ELAVL2: variants seen among roughly 807,000 people sequenced by gnomAD.
ELAVL2 encodes ELAV-like protein 2.
ELAVL2 carries 4 observed loss-of-function variants against 34.6 expected under a neutral mutation model. The ratio of observed to expected loss-of-function variants is 0.12; its 90% confidence interval spans 0.06 to 0.26. The LOEUF (loss-of-function observed/expected upper bound fraction) is 0.26, where lower values mean the gene tolerates loss of function less well. Among genes scored for constraint, ELAVL2 ranks in the 10% least tolerant of loss-of-function variants. ELAVL2 has a pLI of 1.00. For missense variants in ELAVL2, 432 were observed against 442.8 expected (o/e 0.98, Z 0.22); for synonymous variants, 193 against 154.8 (o/e 1.25, Z -1.83).
chr9:23,773,596 T>C (rs2057691690), intron 1 of ELAVL2, among the ~76,000 whole-genome samples: 2 of 152,148 alleles, frequency 1.3e-5, no homozygotes, highest in South Asian at 2.1e-4. Context: ...TACACACATA[T>C]TCCCAAGTGT....
intron 1 of ELAVL2, among the ~76,000 whole-genome samples, chr9:23,810,006 T>C (rs1288384054): frequency 6.6e-6 from 1 of 152,152 alleles, no homozygotes; most frequent in Non-Finnish European, 1.5e-5. Context: ...GTAGTATTTC[T>C]AAAATCCTGC....
intron 1 of ELAVL2, among the ~76,000 whole-genome samples, chr9:23,780,547 C>T (rs1441667753): frequency 2.0e-5 from 3 of 152,286 alleles, no homozygotes; most frequent in African/African-American, 7.2e-5. Context: ...AACTTAAACA[C>T]ACCTCTTAGC....
chr9:23,775,836 C>G (rs1008964005), intron 1 of ELAVL2, among the ~76,000 whole-genome samples: 2 of 152,202 alleles, frequency 1.3e-5, no homozygotes, highest in Non-Finnish European at 2.9e-5. Context: ...TACCTTTCTT[C>G]TCCTGCCTCA....
At chr9:23,770,553 G>C (rs1471189060) in intron 1 of ELAVL2, among the ~76,000 whole-genome samples, 2 of 152,180 alleles carry the variant, frequency 1.3e-5, no homozygotes, top group South Asian at 2.1e-4. Flanking sequence ...AAAGAGGAAG[G>C]TGAGACTGTC....
chr9:23,717,487 G>A (rs762465338), intron 3 of ELAVL2, among the ~76,000 whole-genome samples: 3 of 152,176 alleles, frequency 2.0e-5, no homozygotes, highest in Non-Finnish European at 2.9e-5. Flanking sequence ...TTACTTGATA[G>A]AATAAGTATA....
chr9:23,702,967 A>AAAAAAAAAC lies in ELAVL2; in HGVS notation c.488-1364_488-1363insGTTTTTTTT, dbSNP rs2037898246. 1.4e-5 allele frequency among the ~76,000 whole-genome samples: 2 copies of AAAAAAAAAC among 143,550 alleles called. 1 individual carries two copies. The highest frequency in any genetic ancestry group is 3.0e-5 in the Non-Finnish European group (2 of 66,208). The allele number at this position is 143,550 out of a possible 152,430, so 94.2% of individuals were successfully genotyped here. A position where few individuals can be genotyped will look rare whatever the true frequency, so the allele number is the denominator to read the frequency against. On this transcript the variant is annotated intron_variant, in intron 4 of 6. Coordinates refer to ENST00000397312, the MANE Select transcript of ELAVL2 (RefSeq NM_004432.5). The stretch of plus-strand genomic sequence containing the variant: ...TCAGATTAGCAAAAAAAAAAAAAAA[A>AAAAAAAAAC]AAAAAAAAAAAAAACAGCCTCTACA...
chr9:23,708,410 G>C (rs982914835), intron 3 of ELAVL2, among the ~76,000 whole-genome samples: 1 of 152,098 alleles, frequency 6.6e-6, no homozygotes, highest in Non-Finnish European at 1.5e-5. Context: ...ACATGCCTAA[G>C]GTTATACACA....
chr9:23,736,196 T>C (rs181016602), intron 2 of ELAVL2, among the ~76,000 whole-genome samples: 111 of 152,278 alleles, frequency 7.3e-4, no homozygotes, highest in Non-Finnish European at 1.2e-3. Context: ...CCGTAATTCT[T>C]GATTAAAAGT....
chr9:23,706,545 C>G (rs1213010030), intron 3 of ELAVL2, among the ~76,000 whole-genome samples: 1 of 152,158 alleles, frequency 6.6e-6, no homozygotes, highest in Non-Finnish European at 1.5e-5. Context: ...TGAGCTATTC[C>G]TGATCGCATT....
At position 23,755,908 on chromosome 9, in the gene ELAVL2, G is replaced by A. The variant is rs564192460; in HGVS notation, c.229+6098C>T. ...ACTATGGACATTTCACATGCTCACT[G>A]TACAACTGTAACTGACATACAAAAT... On this transcript the variant is annotated intron_variant, in intron 2 of 6. Transcript: ENST00000397312. 4.6e-5 allele frequency among the ~76,000 whole-genome samples: 7 copies of A among 152,214 alleles called. No individual in the cohort carries two copies. The South Asian group carries it at 1.5e-3, about 32-fold the overall frequency.
At chr9:23,811,800 C>T (rs527310097) in intron 1 of ELAVL2, among the ~76,000 whole-genome samples, 1 of 152,258 alleles carries the variant, frequency 6.6e-6, no homozygotes, top group Admixed American at 6.5e-5. Context: ...CTCTCTCTAG[C>T]CACACCCTCA....
At chr9:23,696,954 A>T (rs1165071803) in intron 5 of ELAVL2, among the ~76,000 whole-genome samples, 1 of 151,788 alleles carries the variant, frequency 6.6e-6, no homozygotes, top group African/African-American at 2.4e-5. Context: ...TTTAAAATAA[A>T]GTATTTTTTA....
At position 23,690,948 on chromosome 9, in the gene ELAVL2, C is replaced by T. The variant is rs1161735833; in HGVS notation, c.*1609G>A. ...TTAAGCATCATACAAAGTTAAATTT[C>T]AATAGCATACAGATATTTATGATTT... On this transcript the variant is annotated 3_prime_UTR_variant, in exon 7 of 7. Transcript: ENST00000397312. The T allele has an allele frequency of 6.6e-6, 1 of 152,408 alleles. No individual in the cohort carries two copies. The highest frequency in any genetic ancestry group is 2.1e-4 in the South Asian group (1 of 4,824). The allele number at this position is 152,408 out of a possible 1,614,324, so 9.4% of individuals were successfully genotyped here.
chr9:23,764,164 G>A (rs2055696207), intron 1 of ELAVL2, among the ~76,000 whole-genome samples: 1 of 152,116 alleles, frequency 6.6e-6, no homozygotes, highest in Admixed American at 6.6e-5. Flanking sequence ...TGAGCTACAA[G>A]ATTAAAGTGG....
At chr9:23,816,732 G>C (rs1246551205) in intron 1 of ELAVL2, among the ~76,000 whole-genome samples, 1 of 152,146 alleles carries the variant, frequency 6.6e-6, no homozygotes, top group African/African-American at 2.4e-5. Context: ...GGCAATGGTA[G>C]CAAGCCACAG....
chr9:23,706,224 C>A (rs1031557600), intron 3 of ELAVL2, among the ~76,000 whole-genome samples: 1 of 152,046 alleles, frequency 6.6e-6, no homozygotes, highest in Non-Finnish European at 1.5e-5. Context: ...CCCACAAGGA[C>A]GAAAGACAAA....
chr9:23,762,542 C>G (rs1023971112), intron 1 of ELAVL2, among the ~76,000 whole-genome samples: 1 of 152,000 alleles, frequency 6.6e-6, no homozygotes, highest in East Asian at 1.9e-4. Context: ...CCTTACTCAC[C>G]TGCAGTGTCC....
At chr9:23,813,900 G>A (rs970322689) in intron 1 of ELAVL2, among the ~76,000 whole-genome samples, 2 of 152,020 alleles carry the variant, frequency 1.3e-5, no homozygotes, top group African/African-American at 4.8e-5. Flanking sequence ...TTTAATTCAC[G>A]TGGCTTTAGG....
chr9:23,752,544 T>A (rs765064090), intron 2 of ELAVL2, among the ~76,000 whole-genome samples: 1 of 151,398 alleles, frequency 6.6e-6, no homozygotes, highest in Non-Finnish European at 1.5e-5. Context: ...AACCTCCGCC[T>A]CCCGGGTTGA....
Sources: allele counts gnomAD v4.1 joint callset (sites outside exome capture counted in the v4.1 genomes callset), GRCh38; gene constraint gnomAD v4.1.1; transcripts MANE v1.5; gene names NCBI Gene and HGNC (gene_info 2026-07-23, HGNC 2026-07-21).